The following LZTS1 variants were observed in gnomAD, a reference collection of about 807,000 sequenced individuals.
The protein encoded by LZTS1 is leucine zipper tumor suppressor 1.
In LZTS1, 31 loss-of-function variants were observed where a neutral mutation model predicts 45.8. The observed-to-expected ratio is 0.68, with a 90% confidence interval of 0.51 to 0.91. The LOEUF is 0.91. Ranked by LOEUF, LZTS1 falls within the 40% of genes least tolerant of loss-of-function variation. The probability of loss-of-function intolerance (pLI) is 0.00; values close to 1 mark genes in which losing one functional copy is unlikely to be tolerated. For missense variants in LZTS1, 821 were observed against 788.9 expected, an observed-to-expected ratio of 1.04 and a Z score of -0.49; for synonymous variants, 359 against 357.3, an observed-to-expected ratio of 1.00 and a Z score of -0.05.
chr8:20,262,153 G>A (rs1800247130), intron 1 of LZTS1, among the ~76,000 whole-genome samples: 1 of 152,204 alleles, frequency 6.6e-6, no homozygotes, highest in Admixed American at 6.5e-5. Flanking sequence ...GCAAAGTGTT[G>A]TGCTGGCCAC....
chr8:20,262,745 G>A (rs1237178199), intron 1 of LZTS1, among the ~76,000 whole-genome samples: 1 of 152,170 alleles, frequency 6.6e-6, no homozygotes, highest in Non-Finnish European at 1.5e-5. Context: ...TCCATGAGTA[G>A]AGGCGAGCAA....
chr8:20,256,775 G>A (rs1800113371), intron 1 of LZTS1, among the ~76,000 whole-genome samples: 1 of 152,116 alleles, frequency 6.6e-6, no homozygotes, highest in African/African-American at 2.4e-5. Context: ...TGGCATCCAG[G>A]GAGTGATGGA....
chr8:20,267,039 C>T (rs1024395037), intron 1 of LZTS1, among the ~76,000 whole-genome samples: 1 of 145,362 alleles, frequency 6.9e-6, no homozygotes, highest in Admixed American at 7.2e-5. Flanking sequence ...ACCCAGGAGG[C>T]AGAGGTTGCA....
At position 20,249,341 on chromosome 8, in the gene LZTS1, A is replaced by C; in HGVS notation, c.*381T>G. 2 of 208,418 alleles carry C rather than the reference A, an allele frequency of 9.6e-6. No homozygotes were observed. The highest frequency in any genetic ancestry group is 9.7e-6 in the Non-Finnish European group (1 of 103,040). The allele number at this position is 208,418 out of a possible 1,614,324, so 12.9% of individuals were successfully genotyped here. On this transcript the variant is annotated 3_prime_UTR_variant, in exon 4 of 4. Transcript: ENST00000381569. ...AGGCATTCCAATGTGTCCAGGAGGA[A>C]AAAGAGGTTGGGATGAGAAGCAGAG... is the stretch of plus-strand genomic sequence containing the variant.
intron 1 of LZTS1, among the ~76,000 whole-genome samples, chr8:20,265,143 A>C (rs1012147717): frequency 9.9e-5 from 15 of 152,116 alleles, no homozygotes; most frequent in Non-Finnish European, 2.9e-5. Flanking sequence ...CAGGGATCAG[A>C]GTTCTGCCTG....
chr8:20,300,764 T>C (rs1801062037), intron 1 of LZTS1, among the ~76,000 whole-genome samples: 1 of 152,144 alleles, frequency 6.6e-6, no homozygotes, highest in African/African-American at 2.4e-5. Flanking sequence ...GGAAGGTACC[T>C]GACTCAGAAT....
chr8:20,295,688 G>A (rs142020791), intron 1 of LZTS1, among the ~76,000 whole-genome samples: 162 of 152,284 alleles, frequency 1.1e-3, no homozygotes, highest in African/African-American at 3.8e-3. Flanking sequence ...TGACAAGTAC[G>A]TTATACACTG....
chr8:20,255,031 C>T lies in LZTS1; in HGVS notation c.151G>A (p.Gly51Ser), dbSNP rs367756245. 2.4e-5 allele frequency: 39 copies of T among 1,614,070 alleles called. No homozygotes were observed. Among genetic ancestry groups the T allele is most frequent in the South Asian group, 5.5e-5 (5 of 91,088 alleles). ...LLRFGFSQDS[G>S]HGKSSSKMGK... ...ATTTTGGAGCTGGACTTGCCGTGAC[C>T]GGAGTCCTGGGAGAAGCCAAACCTC... Residue 51 changes from glycine to serine, a missense_variant, in exon 2 of 4, where the codon GGT (glycine) becomes AGT (serine). Gly to Ser is a moderately conservative substitution (Grantham distance 56). Coordinates refer to ENST00000381569, the MANE Select transcript of LZTS1 (RefSeq NM_021020.5).
At chr8:20,265,517 T>G (rs1207165259) in intron 1 of LZTS1, among the ~76,000 whole-genome samples, 2 of 151,402 alleles carry the variant, frequency 1.3e-5, no homozygotes, top group East Asian at 1.9e-4. Context: ...TACAAAAGAT[T>G]TTTTAAAAAA....
chr8:20,285,204 C>T (rs77261184), intron 1 of LZTS1, among the ~76,000 whole-genome samples: 3,076 of 152,286 alleles, frequency 0.02, 68 homozygotes, highest in Non-Finnish European at 0.026. Flanking sequence ...TAGAGATTCT[C>T]CCTCCTTTTA....
At chr8:20,259,019 A>C (rs937992639) in intron 1 of LZTS1, among the ~76,000 whole-genome samples, 4 of 152,054 alleles carry the variant, frequency 2.6e-5, no homozygotes, top group African/African-American at 9.7e-5. Flanking sequence ...TGGGGCGAAA[A>C]TACTACTCTG....
At chr8:20,279,478 T>C (rs1800643803) in intron 1 of LZTS1, among the ~76,000 whole-genome samples, 1 of 151,998 alleles carries the variant, frequency 6.6e-6, no homozygotes, top group African/African-American at 2.4e-5. Flanking sequence ...ATTGAGAGAA[T>C]CGCCTGAGGC....
chr8:20,263,608 A>G (rs1218174573), intron 1 of LZTS1, among the ~76,000 whole-genome samples: 4 of 152,188 alleles, frequency 2.6e-5, no homozygotes, highest in Non-Finnish European at 4.4e-5. Flanking sequence ...GACCATTGGA[A>G]GTGAAACTAA....
At position 20,296,152 on chromosome 8, in the gene LZTS1, C is replaced by T. The variant is rs146010926; in HGVS notation, c.-135+7588G>A. On this transcript the variant is annotated intron_variant, in intron 1 of 3. Transcript: ENST00000381569. Reference sequence around the variant, plus strand: ...GGTGATTTAGCAGCAAATGGCTCTGCAGCAGCAAGAAGAGTGAAAATGTCC... The same window carrying T: ...GGTGATTTAGCAGCAAATGGCTCTGTAGCAGCAAGAAGAGTGAAAATGTCC... 1.7e-3 allele frequency among the ~76,000 whole-genome samples: 252 copies of T among 152,306 alleles called. 1 individual carries two copies. The highest frequency in any genetic ancestry group is 5.9e-3 in the African/African-American group (245 of 41,566).
In LZTS1 at chr8:20,253,530, G is replaced by C. The variant is rs1800006782; in HGVS notation, c.401C>G (p.Ser134Ter). The C allele has an allele frequency of 6.5e-7, 1 of 1,532,856 alleles. No homozygotes were observed. The highest frequency in any genetic ancestry group is 8.8e-7 in the Non-Finnish European group (1 of 1,141,702). 95.0% of individuals were successfully genotyped at this position (1,532,856 alleles called of 1,614,324 possible). ...CGGGGAGGAGTGCAGGATGGCTCCTGACCGTGGCAGCACAGGCTTGAAGGC... is the reference window on the plus strand; with the variant it reads ...CGGGGAGGAGTGCAGGATGGCTCCTCACCGTGGCAGCACAGGCTTGAAGGC... ...PTAFKPVLPR[S>*]GAILHSSPES... The change falls in exon 3 of 4, where the codon TCA becomes TGA. Residue 134 changes from serine to a stop codon, truncating the protein, a stop_gained. Transcript: ENST00000381569. LOFTEE classifies it high-confidence loss of function.
At chr8:20,254,032 C>A (rs1800023542) in intron 2 of LZTS1, among the ~76,000 whole-genome samples, 1 of 152,184 alleles carries the variant, frequency 6.6e-6, no homozygotes, top group African/African-American at 2.4e-5. Flanking sequence ...TTGGGAGGCT[C>A]ACTCCAAATC....
intron 1 of LZTS1, among the ~76,000 whole-genome samples, chr8:20,269,021 C>G (rs1800422056): frequency 6.6e-6 from 1 of 152,114 alleles, no homozygotes; most frequent in Admixed American, 6.5e-5. Flanking sequence ...CAGCTTGTGT[C>G]TTAGCAGCAT....
intron 1 of LZTS1, among the ~76,000 whole-genome samples, chr8:20,274,617 A>G (rs1030978294): frequency 1.4e-4 from 22 of 152,106 alleles, no homozygotes; most frequent in African/African-American, 5.3e-4. Flanking sequence ...GCGTAACCCA[A>G]TGGGGCGTAA....
chr8:20,286,230 A>AT (rs1299965111), intron 1 of LZTS1, among the ~76,000 whole-genome samples: 2 of 152,228 alleles, frequency 1.3e-5, no homozygotes, highest in Non-Finnish European at 2.9e-5. Flanking sequence ...AGATATCTAC[A>AT]ATACACACAC....
Sources: gnomAD v4.1 joint callset for allele counts (sites outside exome capture counted in the v4.1 genomes callset) on GRCh38, gnomAD v4.1.1 for gene constraint, MANE v1.5 for transcripts, NCBI Gene and HGNC (gene_info 2026-07-23, HGNC 2026-07-21) for gene names.